The following FSTL5 variants were observed in gnomAD, a reference collection of about 807,000 sequenced individuals.
FSTL5 encodes the protein follistatin-related protein 5.
FSTL5 carries 62 observed loss-of-function variants against 89.1 expected under a neutral mutation model. The ratio of observed to expected loss-of-function variants is 0.70; its 90% CI spans 0.57 to 0.86. The LOEUF (loss-of-function observed/expected upper bound fraction) is 0.86. FSTL5 is among the 40% of genes least tolerant of loss of function. The pLI is 0.00. For missense variants in FSTL5, 1,057 were observed against 1,001.6 expected, an observed-to-expected ratio of 1.06 and a Z score of -0.75; for synonymous variants, 383 against 346.2, an observed-to-expected ratio of 1.11 and a Z score of -1.18.
At chr4:161,464,384 C>T (rs902898972) in intron 13 of FSTL5, among the ~76,000 whole-genome samples, 1 of 152,068 alleles carries the variant, frequency 6.6e-6, no homozygotes, top group Non-Finnish European at 1.5e-5. Flanking sequence ...GCTCATAATT[C>T]ACTTTCTCAG....
intron 10 of FSTL5, among the ~76,000 whole-genome samples, chr4:161,510,940 A>C (rs759136720): frequency 2.6e-5 from 4 of 152,058 alleles, no homozygotes; most frequent in Non-Finnish European, 5.9e-5. Context: ...ATATGTTTTT[A>C]CTGTTTTAAA....
chr4:161,633,859 A>G (rs752692550), intron 7 of FSTL5, among the ~76,000 whole-genome samples: 2 of 152,194 alleles, frequency 1.3e-5, no homozygotes, highest in Non-Finnish European at 2.9e-5. Context: ...AAGCTAGTTC[A>G]AAGTCTTTTT....
intron 1 of FSTL5, among the ~76,000 whole-genome samples, chr4:162,154,368 T>C (rs1481988589): frequency 6.6e-6 from 1 of 152,214 alleles, no homozygotes; most frequent in Non-Finnish European, 1.5e-5. Flanking sequence ...GTTGAAGATC[T>C]TATGAACATG....
chr4:161,388,568 A>G (rs1223405857), intron 15 of FSTL5, among the ~76,000 whole-genome samples: 2 of 152,124 alleles, frequency 1.3e-5, no homozygotes, highest in African/African-American at 4.8e-5. Context: ...CAAACATATA[A>G]CATTTTTCTA....
At chr4:161,955,252 C>G (rs529621404) in intron 3 of FSTL5, among the ~76,000 whole-genome samples, 1 of 151,568 alleles carries the variant, frequency 6.6e-6, no homozygotes, top group East Asian at 1.9e-4. Flanking sequence ...CTTTAAGAAA[C>G]AGTAACAAAA....
chr4:162,063,485 T>C (rs1475393627), intron 2 of FSTL5, among the ~76,000 whole-genome samples: 4 of 151,884 alleles, frequency 2.6e-5, no homozygotes, highest in Admixed American at 6.6e-5. Flanking sequence ...TGTACTGAAA[T>C]GAAAGATCAT....
chr4:161,980,763 AC>A (rs1386767610), intron 3 of FSTL5, among the ~76,000 whole-genome samples: 1 of 131,182 alleles, frequency 7.6e-6, no homozygotes, highest in Non-Finnish European at 1.6e-5. Context: ...TCTTCAAGTA[AC>A]TTTTTTTTTT....
chr4:161,968,934 T>TACACACACAC lies in FSTL5; in HGVS notation c.161-48292_161-48283dup, dbSNP rs147433060. Among the ~76,000 whole-genome samples, 667 of 140,230 alleles carry TACACACACAC rather than the reference T, an allele frequency of 4.8e-3. 11 individuals carry two copies. Among genetic ancestry groups the TACACACACAC allele is most frequent in the East Asian group, 0.038 (176 of 4,622 alleles). 92.0% of individuals were successfully genotyped at this position (140,230 alleles called of 152,430 possible). A position where few individuals can be genotyped will look rare whatever the true frequency, so the allele number is the denominator to read the frequency against. ...GCTACTACCACCCAAGACACAGACA[T>TACACACACAC]ACACACACACACACACACACACACA... On this transcript the variant is annotated intron_variant, in intron 3 of 15. Coordinates refer to ENST00000306100, the MANE Select transcript of FSTL5 (RefSeq NM_020116.5).
chr4:161,534,503 G>C (rs1042991309), intron 10 of FSTL5, among the ~76,000 whole-genome samples: 7 of 151,922 alleles, frequency 4.6e-5, no homozygotes, highest in African/African-American at 1.7e-4. Context: ...TAATACATAG[G>C]AATTTATTTA....
chr4:161,649,145 A>G lies in FSTL5; in HGVS notation c.894+7183T>C, dbSNP rs183787262. On this transcript the variant is annotated intron_variant, in intron 7 of 15. Transcript: ENST00000306100. ...ACCTGAACCAGATGTTCAGATGACT[A>G]GAGGCAAAAATTTGGTCTAATTCAA... Among the ~76,000 whole-genome samples the G allele has an allele frequency of 2.2e-3, 340 of 152,308 alleles. 3 individuals carry two copies. The highest frequency in any genetic ancestry group is 3.2e-3 in the Non-Finnish European group (217 of 68,026).
At chr4:161,668,940 C>T (rs575264871) in intron 6 of FSTL5, among the ~76,000 whole-genome samples, 139 of 151,448 alleles carry the variant, frequency 9.2e-4, no homozygotes, top group African/African-American at 3.2e-3. Context: ...GGTGAAACCC[C>T]GTCTCTACTA....
intron 2 of FSTL5, among the ~76,000 whole-genome samples, chr4:162,064,345 C>T (rs1738819803): frequency 6.6e-6 from 1 of 151,980 alleles, no homozygotes; most frequent in Admixed American, 6.6e-5. Context: ...TCATTTTATG[C>T]ATCAGCTTGA....
At chr4:161,607,112 A>G in intron 7 of FSTL5, among the ~76,000 whole-genome samples, 1 of 152,198 alleles carries the variant, frequency 6.6e-6, no homozygotes, top group Non-Finnish European at 1.5e-5. Flanking sequence ...ACAGTGCGCT[A>G]ACCCACAAGT....
At chr4:161,838,206 A>G (rs547122426) in intron 4 of FSTL5, among the ~76,000 whole-genome samples, 1 of 152,368 alleles carries the variant, frequency 6.6e-6, no homozygotes, top group African/African-American at 2.4e-5. Flanking sequence ...TGGTGTTAAA[A>G]AATAAGGACA....
intron 4 of FSTL5, among the ~76,000 whole-genome samples, chr4:161,826,300 G>A (rs1730666066): frequency 2.0e-5 from 3 of 151,968 alleles, no homozygotes; most frequent in Admixed American, 6.6e-5. Context: ...CCTATCATAT[G>A]GTCTCTCTTG....
At chr4:161,784,811 G>T (rs943521660) in intron 4 of FSTL5, among the ~76,000 whole-genome samples, 5 of 147,236 alleles carry the variant, frequency 3.4e-5, no homozygotes, top group Middle Eastern at 3.5e-3. Context: ...GGAGAATGGC[G>T]TGAACCCAGG....
chr4:161,396,308 C>G (rs766651657), intron 15 of FSTL5, among the ~76,000 whole-genome samples: 27 of 151,794 alleles, frequency 1.8e-4, no homozygotes, highest in Middle Eastern at 3.2e-3. Context: ...ATACACAGAG[C>G]AACAAGAATA....
intron 4 of FSTL5, among the ~76,000 whole-genome samples, chr4:161,894,688 A>G (rs1733099614): frequency 6.6e-6 from 1 of 152,134 alleles, no homozygotes; most frequent in African/African-American, 2.4e-5. Context: ...CATGTCGACC[A>G]GGCTGACCTC....
At chr4:161,796,699 C>A (rs2126825315) in intron 4 of FSTL5, among the ~76,000 whole-genome samples, 1 of 151,416 alleles carries the variant, frequency 6.6e-6, no homozygotes, top group African/African-American at 2.4e-5. Flanking sequence ...TGTATGTGCT[C>A]TCTTTTGCTT....
Sources: allele counts gnomAD v4.1 joint callset (sites outside exome capture counted in the v4.1 genomes callset), GRCh38; gene constraint gnomAD v4.1.1; transcripts MANE v1.5; gene names NCBI Gene and HGNC (gene_info 2026-07-23, HGNC 2026-07-21).